PALLD: variants seen among roughly 807,000 people sequenced by gnomAD.
PALLD encodes palladin.
PALLD carries 61 observed loss-of-function variants against 123.5 expected under a neutral mutation model. That is an observed-to-expected ratio of 0.49 (90% CI 0.40 to 0.61). The LOEUF is 0.61. Among genes scored for constraint, PALLD ranks in the 20% least tolerant of loss-of-function variants. The pLI is 0.00. For missense variants in PALLD, 1,273 were observed against 1,377.0 expected, an observed-to-expected ratio of 0.92 and a Z score of 1.20; for synonymous variants, 465 against 496.4, an observed-to-expected ratio of 0.94 and a Z score of 0.84.
At chr4:168,788,975 G>A (rs147462145) in intron 10 of PALLD, among the ~76,000 whole-genome samples, 275 of 151,884 alleles carry the variant, frequency 1.8e-3, no homozygotes, top group African/African-American at 6.4e-3. Flanking sequence ...GCAACTCTCC[G>A]CACCTTGAGA....
intron 2 of PALLD, among the ~76,000 whole-genome samples, chr4:168,517,822 AC>A (rs1763134556): frequency 6.6e-6 from 1 of 152,180 alleles, no homozygotes; most frequent in South Asian, 2.1e-4. Flanking sequence ...ACCAGATAAT[AC>A]CATCAGATCA....
intron 10 of PALLD, among the ~76,000 whole-genome samples, chr4:168,739,607 A>G (rs1485708607): frequency 1.3e-5 from 2 of 152,222 alleles, no homozygotes; most frequent in African/African-American, 4.8e-5. Flanking sequence ...ACTTGAGCTG[A>G]TGAATACTCT....
intron 10 of PALLD, among the ~76,000 whole-genome samples, chr4:168,758,685 ATAT>A (rs918184087): frequency 6.6e-5 from 10 of 152,168 alleles, no homozygotes; most frequent in Non-Finnish European, 1.3e-4. Context: ...AGAAAAAAAA[ATAT>A]TATGTCTCCT....
At chr4:168,692,740 T>A (rs1410373568) in intron 8 of PALLD, among the ~76,000 whole-genome samples, 5 of 152,234 alleles carry the variant, frequency 3.3e-5, no homozygotes, top group Non-Finnish European at 7.3e-5. Context: ...AGCCAAAAAT[T>A]GTAAAAATGT....
intron 2 of PALLD, among the ~76,000 whole-genome samples, chr4:168,586,464 G>A (rs1008051315): frequency 3.3e-5 from 5 of 152,252 alleles, no homozygotes; most frequent in East Asian, 1.9e-4. Context: ...TTTTGCTGTC[G>A]TTGATCACTA....
chr4:168,826,368 T>A (rs1039712115), intron 10 of PALLD, among the ~76,000 whole-genome samples: 5 of 152,218 alleles, frequency 3.3e-5, no homozygotes, highest in African/African-American at 1.2e-4. Flanking sequence ...TCCATAAATA[T>A]GTATTTTTTA....
chr4:168,605,253 TAA>T (rs5863946), intron 2 of PALLD, among the ~76,000 whole-genome samples: 66 of 149,560 alleles, frequency 4.4e-4, no homozygotes, highest in South Asian at 1.1e-3. Flanking sequence ...TTTGGGGGAT[TAA>T]AAAAAAAAAT....
At chr4:168,772,508 G>C (rs1210913525) in intron 10 of PALLD, among the ~76,000 whole-genome samples, 1 of 152,212 alleles carries the variant, frequency 6.6e-6, no homozygotes, top group Non-Finnish European at 1.5e-5. Flanking sequence ...AGCAACCAGT[G>C]CCATGCCAGT....
chr4:168,539,658 A>G (rs1765426121), intron 2 of PALLD, among the ~76,000 whole-genome samples: 1 of 151,928 alleles, frequency 6.6e-6, no homozygotes, highest in Non-Finnish European at 1.5e-5. Flanking sequence ...GCCTCTCACA[A>G]TTTCTTTTCA....
chr4:168,836,931 T>G (rs971503501), intron 10 of PALLD, among the ~76,000 whole-genome samples: 1 of 152,156 alleles, frequency 6.6e-6, no homozygotes, highest in African/African-American at 2.4e-5. Flanking sequence ...TATAACATGG[T>G]TTTTGTGGGA....
intron 17 of PALLD, among the ~76,000 whole-genome samples, chr4:168,920,719 G>A (rs1761300761): frequency 6.6e-6 from 1 of 152,148 alleles, no homozygotes; most frequent in Non-Finnish European, 1.5e-5. Flanking sequence ...TGTTGAGATG[G>A]CTTTCTGGGT....
rs138923310 is a variant in PALLD at position 168,864,303 on chromosome 4, T to G, written c.1965-26619T>G. The G allele has an allele frequency of 1.2e-3, 177 of 152,378 alleles. 1 individual carries two copies. Among genetic ancestry groups the G allele is most frequent in the African/African-American group, 4.2e-3 (174 of 41,596 alleles). 9.4% of individuals were successfully genotyped at this position (152,378 alleles called of 1,614,324 possible). A position where few individuals can be genotyped will look rare whatever the true frequency, so the allele number is the denominator to read the frequency against. Reference sequence around the variant, plus strand: ...TGTTCTTTGTAATGTTTATCTGTATTCTTGTTAGAAACGACTTTCTGGTTC... The same window carrying G: ...TGTTCTTTGTAATGTTTATCTGTATGCTTGTTAGAAACGACTTTCTGGTTC... On this transcript the variant is annotated intron_variant, in intron 10 of 21. Transcript: ENST00000505667.
rs777740588 is a variant in PALLD at position 168,905,138 on chromosome 4, G to GT, written c.2622+1262dup. On this transcript the variant is annotated intron_variant, in intron 15 of 21. Coordinates refer to ENST00000505667, the MANE Select transcript of PALLD (RefSeq NM_001166108.2). ...TGAGACTTTGTTTTTTGTTTTGTTG[G>GT]TTTTTTTTTTTTTTTTTTTTTTTTT... 9.8e-3 allele frequency among the ~76,000 whole-genome samples: 339 copies of GT among 34,528 alleles called. 133 individuals carry two copies. Among genetic ancestry groups the GT allele is most frequent in the East Asian group, 0.038 (20 of 524 alleles). The allele number at this position is 34,528 out of a possible 152,430, so 22.7% of individuals were successfully genotyped here. A position where few individuals can be genotyped will look rare whatever the true frequency, so the allele number is the denominator to read the frequency against.
intron 10 of PALLD, among the ~76,000 whole-genome samples, chr4:168,770,843 A>C (rs1734308559): frequency 6.6e-6 from 1 of 152,230 alleles, no homozygotes; most frequent in South Asian, 2.1e-4. Context: ...TGGATCACTT[A>C]AGGCCAGGAG....
intron 2 of PALLD, among the ~76,000 whole-genome samples, chr4:168,542,763 T>TATA (rs58803261): frequency 9.1e-6 from 1 of 110,066 alleles, no homozygotes; most frequent in Non-Finnish European, 1.9e-5. Context: ...TATATATATA[T>TATA]GGAGAGAAAG....
intron 1 of PALLD, among the ~76,000 whole-genome samples, chr4:168,498,505 T>C (rs1239858946): frequency 2.0e-5 from 3 of 152,184 alleles, no homozygotes; most frequent in African/African-American, 7.2e-5. Context: ...ATATGACAAG[T>C]TCTTTAAGAG....
chr4:168,794,506 GCACA>G lies in PALLD; in HGVS notation c.1964+82613_1964+82616del, dbSNP rs57496563. On this transcript the variant is annotated intron_variant, in intron 10 of 21. Transcript: ENST00000505667. ...CACACACATGCACGCACACACACAC[GCACA>G]CACACACACACACACACACACACAC... Among the ~76,000 whole-genome samples the G allele has an allele frequency of 3.2e-3, 467 of 143,920 alleles. 2 individuals are homozygous for G. The highest frequency in any genetic ancestry group is 0.013 in the South Asian group (58 of 4,430). 94.4% of individuals were successfully genotyped at this position (143,920 alleles called of 152,430 possible). A position where few individuals can be genotyped will look rare whatever the true frequency, so the allele number is the denominator to read the frequency against.
At chr4:168,672,182 T>C (rs961160656) in intron 3 of PALLD, among the ~76,000 whole-genome samples, 4 of 152,220 alleles carry the variant, frequency 2.6e-5, no homozygotes, top group Admixed American at 2.6e-4. Flanking sequence ...ATATTACGTA[T>C]AGTGATCAGA....
intron 10 of PALLD, among the ~76,000 whole-genome samples, chr4:168,723,564 G>A (rs1786236064): frequency 6.6e-6 from 1 of 152,206 alleles, no homozygotes; most frequent in South Asian, 2.1e-4. Context: ...AGGAAGATGA[G>A]GAGGAAGAAA....
Sources: allele counts gnomAD v4.1 joint callset (sites outside exome capture counted in the v4.1 genomes callset), GRCh38; gene constraint gnomAD v4.1.1; transcripts MANE v1.5; gene names NCBI Gene and HGNC (gene_info 2026-07-23, HGNC 2026-07-21).